Variants in PRELID2 observed in about 807,000 individuals in gnomAD.
PRELID2 encodes the protein PRELI domain-containing protein 2.
PRELID2 carries 25 observed loss-of-function variants against 28.4 expected under a neutral mutation model. That is an observed-to-expected ratio of 0.88 (90% CI 0.64 to 1.23). PRELID2 has a LOEUF of 1.23. Among genes scored for constraint, PRELID2 ranks in the 50% most tolerant of loss-of-function variants. PRELID2 has a pLI of 0.00. For synonymous variants in PRELID2, 76 were observed against 71.6 expected, an observed-to-expected ratio of 1.06 and a Z score of -0.31; for missense variants, 201 against 214.4, an observed-to-expected ratio of 0.94 and a Z score of 0.39.
At chr5:145,812,363 T>C (rs1177726092) in intron 4 of PRELID2, among the ~76,000 whole-genome samples, 2 of 152,156 alleles carry the variant, frequency 1.3e-5, no homozygotes, top group African/African-American at 4.8e-5. Context: ...AGTTCCTTAG[T>C]GAGAGGAAGG....
the PRELID2 span, chr5:145,230,008 GACTGAAGGAAT>G: frequency 2.7e-6 from 2 of 728,492 alleles, no homozygotes; most frequent in Non-Finnish European, 5.1e-6. Flanking sequence ...AACTCCCTCA[GACTGAAGGAAT>G]ACCATTGTCT....
chr5:145,358,543 A>G, the PRELID2 span, among the ~76,000 whole-genome samples: 1 of 152,180 alleles, frequency 6.6e-6, no homozygotes, highest in Non-Finnish European at 1.5e-5. Flanking sequence ...GTCTTCTGCC[A>G]GATGAAAACA....
intron 1 of PRELID2, among the ~76,000 whole-genome samples, chr5:145,529,056 A>C (rs987352849): frequency 1.3e-5 from 2 of 152,294 alleles, no homozygotes; most frequent in Admixed American, 1.3e-4. Flanking sequence ...CAGTTGGATT[A>C]ATTGGATCAA....
At chr5:145,684,558 T>C (rs1362721146) in intron 1 of PRELID2, among the ~76,000 whole-genome samples, 1 of 152,248 alleles carries the variant, frequency 6.6e-6, no homozygotes, top group African/African-American at 2.4e-5. Context: ...ATGCTTTCAT[T>C]TAATCCTCAT....
chr5:145,445,206 G>A, the PRELID2 span, among the ~76,000 whole-genome samples: 1 of 152,036 alleles, frequency 6.6e-6, no homozygotes, highest in African/African-American at 2.4e-5. Flanking sequence ...GAACAAAATA[G>A]AGAACCCAGA....
chr5:145,781,323 A>G (rs540626074), intron 5 of PRELID2, among the ~76,000 whole-genome samples: 92 of 152,298 alleles, frequency 6.0e-4, no homozygotes, highest in Non-Finnish European at 4.6e-4. Flanking sequence ...AAATGAAATT[A>G]CATTTACAAT....
intron 1 of PRELID2, among the ~76,000 whole-genome samples, chr5:145,686,991 C>A (rs1755050028): frequency 6.6e-6 from 1 of 151,962 alleles, no homozygotes; most frequent in African/African-American, 2.4e-5. Context: ...TCTATTAAAG[C>A]AAGACAAATT....
chr5:145,731,707 A>T (rs1192866532), intron 1 of PRELID2, among the ~76,000 whole-genome samples: 1 of 152,202 alleles, frequency 6.6e-6, no homozygotes, highest in Non-Finnish European at 1.5e-5. Flanking sequence ...CTCCATTACG[A>T]TGAATCAGAA....
chr5:145,672,196 G>A (rs1263164269), intron 1 of PRELID2, among the ~76,000 whole-genome samples: 1 of 151,956 alleles, frequency 6.6e-6, no homozygotes, highest in Non-Finnish European at 1.5e-5. Context: ...TATCACTGAA[G>A]CACAAAAAGC....
intron 1 of PRELID2, among the ~76,000 whole-genome samples, chr5:145,534,419 A>G (rs1296564970): frequency 7.2e-5 from 11 of 152,040 alleles, no homozygotes; most frequent in Admixed American, 7.2e-4. Flanking sequence ...TTTAATAGGT[A>G]TTGCAAATGT....
Position 145,588,830 on chromosome 5 carries a change from T to G in PRELID2, n.71-115515A>C, listed in dbSNP as rs1753188121. ...TCAGAAAGGAAGTGAAGCCCTGCAA[T>G]GACTGTTTAAAATCCACACACTGTG... On this transcript the variant is annotated intron_variant and non_coding_transcript_variant, in intron 1 of 2. Coordinates refer to the PRELID2 transcript ENST00000510259. Among the ~76,000 whole-genome samples, 3 of 151,836 alleles carry G rather than the reference T, an allele frequency of 2.0e-5. No homozygotes were observed. In the South Asian group the frequency reaches 6.2e-4, roughly 32 times the overall value.
the PRELID2 span, among the ~76,000 whole-genome samples, chr5:145,271,260 G>T: frequency 1.3e-5 from 2 of 151,858 alleles, no homozygotes; most frequent in African/African-American, 4.8e-5. Flanking sequence ...TTTTGAGTTG[G>T]GGTCACACCC....
chr5:145,402,237 T>C, the PRELID2 span, among the ~76,000 whole-genome samples: 5 of 152,286 alleles, frequency 3.3e-5, no homozygotes, highest in Admixed American at 2.0e-4. Flanking sequence ...TTCTCAAGTG[T>C]CCTAAGCAAA....
At chr5:145,666,635 T>G (rs568325565) in intron 1 of PRELID2, among the ~76,000 whole-genome samples, 1 of 152,026 alleles carries the variant, frequency 6.6e-6, no homozygotes, top group Non-Finnish European at 1.5e-5. Flanking sequence ...CACTTTTCCT[T>G]AGCTTTTTGG....
At chr5:145,294,460 G>C in the PRELID2 span, among the ~76,000 whole-genome samples, 2 of 152,032 alleles carry the variant, frequency 1.3e-5, no homozygotes, top group African/African-American at 4.8e-5. Flanking sequence ...TAAAAGTTCT[G>C]TATCCACACT....
chr5:145,423,500 T>G, the PRELID2 span, among the ~76,000 whole-genome samples: 1 of 151,924 alleles, frequency 6.6e-6, no homozygotes, highest in Non-Finnish European at 1.5e-5. Flanking sequence ...CTTCCATCAC[T>G]GATACCCTTT....
chr5:145,249,364 A>C, the PRELID2 span, among the ~76,000 whole-genome samples: 1 of 152,152 alleles, frequency 6.6e-6, no homozygotes, highest in African/African-American at 2.4e-5. Flanking sequence ...GTATTTGGGC[A>C]GTCTGATCCT....
chr5:145,595,734 C>A (rs1387810815), intron 1 of PRELID2, among the ~76,000 whole-genome samples: 1 of 152,166 alleles, frequency 6.6e-6, no homozygotes. Flanking sequence ...CTAAAAGTAG[C>A]ATCATCAAAA....
At chr5:145,607,033 G>T (rs1248377067) in intron 1 of PRELID2, among the ~76,000 whole-genome samples, 2 of 152,100 alleles carry the variant, frequency 1.3e-5, no homozygotes, top group Admixed American at 6.6e-5. Context: ...GTGCAATAGA[G>T]GTGTTTGTAG....
Sources: allele counts gnomAD v4.1 joint callset (sites outside exome capture counted in the v4.1 genomes callset), GRCh38; gene constraint gnomAD v4.1.1; transcripts MANE v1.5; gene names NCBI Gene and HGNC (gene_info 2026-07-23, HGNC 2026-07-21).